The following NUP133 variants were observed in gnomAD, a reference collection of about 807,000 sequenced individuals.
NUP133 encodes nuclear pore complex protein Nup133.
Under a neutral mutation model 146.2 loss-of-function variants are expected in NUP133, and 66 were observed. That is an observed-to-expected ratio of 0.45 (90% CI 0.37 to 0.55). The LOEUF is 0.55. NUP133 is among the 20% of genes least tolerant of loss of function. The pLI is 0.00. For missense variants in NUP133, 1,277 were observed against 1,374.8 expected, an observed-to-expected ratio of 0.93 and a Z score of 1.12; for synonymous variants, 521 against 498.8, an observed-to-expected ratio of 1.04 and a Z score of -0.59.
intron 24 of NUP133, among the ~76,000 whole-genome samples, chr1:229,447,610 G>C (rs1332694422): frequency 6.6e-6 from 1 of 151,868 alleles, no homozygotes; most frequent in African/African-American, 2.4e-5. Context: ...GAGGGAAGAG[G>C]GGCTGAAGGT....
chr1:229,481,179 G>A (rs1217821919), intron 12 of NUP133, among the ~76,000 whole-genome samples: 1 of 151,850 alleles, frequency 6.6e-6, no homozygotes, highest in African/African-American at 2.4e-5. Context: ...CAGGGCCCAT[G>A]ACACTGTTCC....
chr1:229,486,903 G>GGA (rs1558103608), intron 10 of NUP133, among the ~76,000 whole-genome samples: 2 of 115,126 alleles, frequency 1.7e-5, no homozygotes, highest in Non-Finnish European at 1.8e-5. Flanking sequence ...ATGGGGACTG[G>GGA]AAAAAAAAAA....
chr1:229,487,756 G>A (rs141193597), intron 9 of NUP133, 143 bp from the exon 10 acceptor site: 166 of 584,870 alleles, frequency 2.8e-4, no homozygotes, highest in African/African-American at 2.7e-3. Context: ...CCCATGAGAT[G>A]ATTAACAAAA....
intron 8 of NUP133, among the ~76,000 whole-genome samples, chr1:229,493,345 T>C (rs1422480296): frequency 1.3e-5 from 2 of 152,122 alleles, no homozygotes; most frequent in East Asian, 3.9e-4. Flanking sequence ...CCCAGCTAAT[T>C]TTTTATTTTT....
At chr1:229,497,390 G>A (rs999050254) in intron 6 of NUP133, among the ~76,000 whole-genome samples, 2 of 152,202 alleles carry the variant, frequency 1.3e-5, no homozygotes, top group African/African-American at 4.8e-5. Context: ...GTAGCCAATA[G>A]GAGAGATGAA....
At chr1:229,471,912 G>T in intron 14 of NUP133, among the ~76,000 whole-genome samples, 1 of 152,050 alleles carries the variant, frequency 6.6e-6, no homozygotes, top group African/African-American at 2.4e-5. Flanking sequence ...TTAATGACTG[G>T]TTAATAATTC....
At chr1:229,490,646 C>T (rs1014479187) in intron 8 of NUP133, among the ~76,000 whole-genome samples, 1 of 152,142 alleles carries the variant, frequency 6.6e-6, no homozygotes, top group African/African-American at 2.4e-5. Flanking sequence ...GGTTAAATGA[C>T]TAAATTGTGT....
chr1:229,496,274 G>C (rs918886983), intron 6 of NUP133, among the ~76,000 whole-genome samples: 5 of 152,110 alleles, frequency 3.3e-5, no homozygotes, highest in Non-Finnish European at 7.4e-5. Flanking sequence ...AGGAGTTCAA[G>C]ACCACCCTGG....
At chr1:229,458,850 C>T (rs1660627557) in intron 20 of NUP133, among the ~76,000 whole-genome samples, 1 of 151,748 alleles carries the variant, frequency 6.6e-6, no homozygotes. Context: ...GCTGGGATTA[C>T]AGGCATGAGC....
In NUP133 at chr1:229,506,113, A is replaced by T; in HGVS notation, c.228T>A (p.Ser76=). The T allele has an allele frequency of 6.2e-7, 1 of 1,613,658 alleles. No homozygotes were observed. The highest frequency in any genetic ancestry group is 8.5e-7 in the Non-Finnish European group (1 of 1,179,624). ...RMFPHHSITE[S]VNYDVKTFGS... Reference sequence around the variant, plus strand: ...CAAACGTTTTCACATCATAGTTCACAGACTCAGTTATGGAGTGGTGTGGGA... The same window carrying T: ...CAAACGTTTTCACATCATAGTTCACTGACTCAGTTATGGAGTGGTGTGGGA... The change falls in exon 2 of 26, where the codon TCT becomes TCA. Residue 76 remains serine, a synonymous_variant. Transcript: ENST00000261396.
At chr1:229,467,368 T>C (rs1351467628) in intron 15 of NUP133, among the ~76,000 whole-genome samples, 6 of 152,198 alleles carry the variant, frequency 3.9e-5, no homozygotes, top group East Asian at 1.9e-4. Context: ...AGAGTTTGCA[T>C]AGCAATGGAC....
At chr1:229,458,657 C>T (rs1571911422) in intron 20 of NUP133, among the ~76,000 whole-genome samples, 1 of 151,612 alleles carries the variant, frequency 6.6e-6, no homozygotes, top group Middle Eastern at 3.4e-3. Flanking sequence ...CTGTTACAGA[C>T]ACATCATTAA....
At chr1:229,466,826 G>C in intron 15 of NUP133, 70 bp from the exon 16 acceptor site, 7 of 1,489,956 alleles carry the variant, frequency 4.7e-6, no homozygotes, top group Non-Finnish European at 6.5e-6. Context: ...TACCCAGTGA[G>C]TTTTACTCAT....
chr1:229,465,430 A>C lies in NUP133; in HGVS notation c.2289T>G (p.Val763=), dbSNP rs1215388959. The change falls in exon 17 of 26, where the codon GTT becomes GTG. Residue 763 remains valine (V), a synonymous_variant. Coordinates refer to ENST00000261396, the MANE Select transcript of NUP133 (RefSeq NM_018230.3). ...EESLEKEPEY[V]PWTATSGPGG... ...AAATCAGTATATTACCCGTCCATGG[A>C]ACATATTCAGGTTCTTTTTCTAGTG... is the stretch of plus-strand genomic sequence containing the variant. 1.2e-6 allele frequency: 2 copies of C among 1,606,288 alleles called. No individual in the cohort carries two copies. Among genetic ancestry groups the C allele is most frequent in the East Asian group, 4.5e-5 (2 of 44,836 alleles).
chr1:229,470,694 C>T lies in NUP133; in HGVS notation c.1962G>A (p.Lys654=). The T allele has an allele frequency of 6.2e-7, 1 of 1,614,190 alleles. No individual in the cohort carries two copies. The highest frequency in any genetic ancestry group is 1.1e-5 in the South Asian group (1 of 91,082). The change falls in exon 15 of 26, where the codon AAG becomes AAA. Residue 654 remains lysine (K), a synonymous_variant. Coordinates refer to ENST00000261396, the MANE Select transcript of NUP133 (RefSeq NM_018230.3). Reference sequence around the variant, plus strand: ...GGTCAGAAAGCCGGGAGTGGTGGTTCTTGAGAACAATGGCGGCTGACAGCT... The same window carrying T: ...GGTCAGAAAGCCGGGAGTGGTGGTTTTTGAGAACAATGGCGGCTGACAGCT... The part of the protein sequence containing the change: ...AEKLSAAIVL[K]NHHSRLSDLV...
chr1:229,476,041 G>A (rs545137706), intron 13 of NUP133, among the ~76,000 whole-genome samples: 2 of 152,008 alleles, frequency 1.3e-5, no homozygotes, highest in East Asian at 1.9e-4. Context: ...CCGGGGAGGT[G>A]GAAGTTGCAG....
At chr1:229,446,353 G>A (rs1220883120) in intron 24 of NUP133, among the ~76,000 whole-genome samples, 10 of 152,070 alleles carry the variant, frequency 6.6e-5, no homozygotes, top group Admixed American at 2.6e-4. Flanking sequence ...AGGTTGCGGC[G>A]AGCCGAGATT....
intron 1 of NUP133, among the ~76,000 whole-genome samples, chr1:229,506,735 T>C (rs1234223494): frequency 6.6e-6 from 1 of 150,900 alleles, no homozygotes. Flanking sequence ...GGCAAGACCT[T>C]GTCTCTACAA....
Position 229,469,084 on chromosome 1 carries a change from C to T in NUP133, c.2076+1496G>A, listed in dbSNP as rs950453744. 2.6e-5 allele frequency among the ~76,000 whole-genome samples: 4 copies of T among 152,140 alleles called. No individual in the cohort carries two copies. In the East Asian group the frequency reaches 5.8e-4, roughly 22 times the overall value. ...TGCTACATGTTAGAATACAGCTAGG[C>T]TATAGGAGGAAGGAAGCAAAATTTG... On this transcript the variant is annotated intron_variant, in intron 15 of 25. Transcript: ENST00000261396.
Sources: allele counts gnomAD v4.1 joint callset (sites outside exome capture counted in the v4.1 genomes callset), GRCh38; gene constraint gnomAD v4.1.1; transcripts MANE v1.5; gene names NCBI Gene and HGNC (gene_info 2026-07-23, HGNC 2026-07-21).